Variants in KCTD7 observed in about 807,000 individuals in gnomAD.
The protein encoded by KCTD7 is BTB/POZ domain-containing protein KCTD7.
A neutral mutation model predicts 27.0 loss-of-function variants in KCTD7; 15 were observed. The ratio of observed to expected loss-of-function variants is 0.56; its 90% CI spans 0.37 to 0.86. KCTD7 has a LOEUF of 0.86. Among genes scored for constraint, KCTD7 ranks in the 40% least tolerant of loss-of-function variants. The pLI, the probability that KCTD7 is intolerant of heterozygous loss-of-function variation, is 0.00. For synonymous variants in KCTD7, 159 were observed against 162.7 expected, an observed-to-expected ratio of 0.98 and a Z score of 0.17; for missense variants, 299 against 398.9, an observed-to-expected ratio of 0.75 and a Z score of 2.13.
intron 2 of KCTD7, among the ~76,000 whole-genome samples, chr7:66,635,385 A>T (rs1350941113): frequency 1.3e-5 from 2 of 152,218 alleles, no homozygotes; most frequent in African/African-American, 2.4e-5. Flanking sequence ...ACAGTCTTAC[A>T]TGTAAACAAT....
intron 1 of KCTD7, among the ~76,000 whole-genome samples, chr7:66,630,951 C>T (rs929861878): frequency 6.6e-6 from 1 of 152,166 alleles, no homozygotes; most frequent in African/African-American, 2.4e-5. Flanking sequence ...GTTTAAAGAG[C>T]TCCAGAAATG....
intron 3 of KCTD7, 82 bp downstream of exon 3, chr7:66,638,513 C>T (rs1786637561): frequency 2.1e-6 from 3 of 1,396,760 alleles, no homozygotes; most frequent in Admixed American, 3.7e-5. Context: ...TCCATCAGAA[C>T]ACCGGGGGCA....
rs751720071 is a variant in KCTD7 at position 66,638,338 on chromosome 7, A to G, written c.400A>G (p.Ile134Val). The G allele has an allele frequency of 3.4e-5, 55 of 1,614,092 alleles. No homozygotes were observed. Among genetic ancestry groups the G allele is most frequent in the Middle Eastern group, 1.6e-4 (1 of 6,084 alleles). Residue 134 changes from isoleucine (I) to valine (V), a missense_variant, in exon 3 of 4, where the codon ATC (isoleucine) becomes GTC (valine). Ile to Val is a conservative substitution (Grantham distance 29). Transcript: ENST00000639828. ...AVYKEAQYYA[I>V]GPLLEQLENM... ...GTACAAAGAGGCCCAGTACTATGCC[A>G]TCGGGCCCCTCCTGGAGCAGCTGGA...
At position 66,638,893 on chromosome 7, in the gene KCTD7, T is replaced by C; in HGVS notation, c.531T>C (p.Arg177=). ...GGATTGTGGAGATCGCCCGGCTGCG[T>C]GCGGTCCAGCGGAAGGCCCGCTTTG... is the stretch of plus-strand genomic sequence containing the variant. ...LERIVEIARL[R]AVQRKARFAK... Residue 177 remains arginine, a synonymous_variant, in exon 4 of 4, where the codon CGT becomes CGC. Coordinates refer to ENST00000639828, the MANE Select transcript of KCTD7 (RefSeq NM_153033.5). 1 of 1,614,118 alleles carries C rather than the reference T, an allele frequency of 6.2e-7. No individual in the cohort carries two copies. The highest frequency in any genetic ancestry group is 8.5e-7 in the Non-Finnish European group (1 of 1,180,016).
At chr7:66,632,100 A>G (rs1220994562) in intron 1 of KCTD7, among the ~76,000 whole-genome samples, 1 of 152,252 alleles carries the variant, frequency 6.6e-6, no homozygotes, top group East Asian at 1.9e-4. Context: ...GACAGTAGAC[A>G]GAAATGCTCA....
Position 66,639,818 on chromosome 7 carries a change from G to A in KCTD7, c.*586G>A. ...TGGAAAGACTTTTCTTTTCCTTCCG[G>A]AACATGTTCTTCACCACCTTTTGGA... On this transcript the variant is annotated 3_prime_UTR_variant, in exon 4 of 4. Transcript: ENST00000639828. The A allele has an allele frequency of 8.0e-7, 1 of 1,248,222 alleles. No homozygotes were observed. The highest frequency in any genetic ancestry group is 1.0e-6 in the Non-Finnish European group (1 of 997,270). 77.3% of individuals were successfully genotyped at this position (1,248,222 alleles called of 1,614,324 possible). A position where few individuals can be genotyped will look rare whatever the true frequency, so the allele number is the denominator to read the frequency against.
intron 1 of KCTD7, among the ~76,000 whole-genome samples, chr7:66,629,427 C>G (rs1296820080): frequency 6.6e-6 from 1 of 151,872 alleles, no homozygotes. Flanking sequence ...GTGTGCTTCC[C>G]CACCCCCTAC....
At chr7:66,632,288 C>T (rs1786466969) in intron 1 of KCTD7, among the ~76,000 whole-genome samples, 1 of 151,748 alleles carries the variant, frequency 6.6e-6, no homozygotes, top group South Asian at 2.1e-4. Context: ...GAGATCGAGA[C>T]AATCCTGGCT....
chr7:66,640,661 C>T lies in KCTD7; in HGVS notation c.*1429C>T, dbSNP rs1786694623. The T allele has an allele frequency of 9.1e-6, 12 of 1,320,494 alleles. No individual in the cohort carries two copies. Among genetic ancestry groups the T allele is most frequent in the Non-Finnish European group, 1.2e-5 (12 of 1,034,544 alleles). 81.8% of individuals were successfully genotyped at this position (1,320,494 alleles called of 1,614,324 possible). A position where few individuals can be genotyped will look rare whatever the true frequency, so the allele number is the denominator to read the frequency against. ...GCCAGGAACATGTCTGTAGTCCCAG[C>T]TACTTGGGCACACGCCTGTAGTCCA... On this transcript the variant is annotated 3_prime_UTR_variant, in exon 4 of 4. Transcript: ENST00000639828.
In KCTD7 at chr7:66,640,342, T is replaced by G. The variant is rs897689225; in HGVS notation, c.*1110T>G. ...TTGTTTTACTCACTTCTTTATATTT[T>G]GTTTTACTCCTCACTCCTGTATATT... On this transcript the variant is annotated 3_prime_UTR_variant, in exon 4 of 4. Coordinates refer to ENST00000639828, the MANE Select transcript of KCTD7 (RefSeq NM_153033.5). 26 of 1,536,154 alleles carry G rather than the reference T, an allele frequency of 1.7e-5. No homozygotes were observed. Among genetic ancestry groups the G allele is most frequent in the Non-Finnish European group, 2.3e-5 (26 of 1,146,548 alleles).
intron 2 of KCTD7, among the ~76,000 whole-genome samples, chr7:66,634,140 A>ATG (rs1786524822): frequency 7.0e-6 from 1 of 141,912 alleles, no homozygotes; most frequent in Non-Finnish European, 1.5e-5. Context: ...ATATATATGT[A>ATG]TATATATGAG....
Position 66,629,119 on chromosome 7 carries a change from T to C in KCTD7, c.55T>C (p.Ser19Pro), listed in dbSNP as rs1786381326. 6.5e-7 allele frequency: 1 copy of C among 1,539,562 alleles called. No individual in the cohort carries two copies. Among genetic ancestry groups the C allele is most frequent in the South Asian group, 1.2e-5 (1 of 82,536 alleles). The change falls in exon 1 of 4, where the codon TCC (serine) becomes CCC (proline). Residue 19 changes from serine (S) to proline (P), a missense_variant. Physicochemically the swap from Ser to Pro is moderately conservative, Grantham distance 74. Transcript: ENST00000639828. ...PDSRRQDGAM[S>P]SSDAEDDFLE... ...CAGCCGTCGTCAGGACGGTGCCATG[T>C]CCAGCTCTGACGCCGAAGACGACTT...
chr7:66,634,194 C>CTATCTATCTATT (rs1786527120), intron 2 of KCTD7, among the ~76,000 whole-genome samples: 1 of 130,676 alleles, frequency 7.7e-6, no homozygotes, highest in African/African-American at 2.9e-5. Context: ...GTGTGTGATT[C>CTATCTATCTATT]TATCTATCTA....
chr7:66,640,997 C>T lies in KCTD7; in HGVS notation c.*1765C>T, dbSNP rs1011654655. 51 of 985,336 alleles carry T rather than the reference C, an allele frequency of 5.2e-5. No individual in the cohort carries two copies. Among genetic ancestry groups the T allele is most frequent in the Admixed American group, 6.2e-5 (1 of 16,246 alleles). 61.0% of individuals were successfully genotyped at this position (985,336 alleles called of 1,614,324 possible). ...GGCTGAATTCCTCCGTGGGGCTGGA[C>T]GGCAGTGATCTCCTGTTCCCTATGT... On this transcript the variant is annotated 3_prime_UTR_variant, in exon 4 of 4. Transcript: ENST00000639828.
chr7:66,642,976 G>T lies in KCTD7; in HGVS notation c.*3744G>T, dbSNP rs375434183. The T allele has an allele frequency of 9.1e-6, 9 of 985,368 alleles. No homozygotes were observed. The East Asian group carries it at 7.9e-4, about 87-fold the overall frequency. The allele number at this position is 985,368 out of a possible 1,614,324, so 61.0% of individuals were successfully genotyped here. On this transcript the variant is annotated 3_prime_UTR_variant, in exon 4 of 4. Transcript: ENST00000639828. Reference sequence around the variant, plus strand: ...TATAACACTTCCTGTGTGAGTTCATGTACCTGTCTGTGAGTGCTTTGGTGT... The same window carrying T: ...TATAACACTTCCTGTGTGAGTTCATTTACCTGTCTGTGAGTGCTTTGGTGT...
chr7:66,642,957 A>G lies in KCTD7; in HGVS notation c.*3725A>G, dbSNP rs1179081835. On this transcript the variant is annotated 3_prime_UTR_variant, in exon 4 of 4. Transcript: ENST00000639828. ...GTTGGGTTTATGTACACACTATAACACTTCCTGTGTGAGTTCATGTACCTG... is the reference window on the plus strand; with the variant it reads ...GTTGGGTTTATGTACACACTATAACGCTTCCTGTGTGAGTTCATGTACCTG... 1 of 985,300 alleles carries G rather than the reference A, an allele frequency of 1.0e-6. No homozygotes were observed. The highest frequency in any genetic ancestry group is 1.7e-5 in the African/African-American group (1 of 57,330). 61.0% of individuals were successfully genotyped at this position (985,300 alleles called of 1,614,324 possible).
rs3069693 is a variant in KCTD7 at position 66,634,113 on chromosome 7, C to CATATATATATATATATATATAT, written c.314+672_314+693dup. Reference sequence around the variant, plus strand: ...ATATGTATATATGGGTGTGTGTATACATATATATATATATATATATATATG... The same window carrying CATATATATATATATATATATAT: ...ATATGTATATATGGGTGTGTGTATACATATATATATATATATATATATATATATATATATATATATATATATG... On this transcript the variant is annotated intron_variant, in intron 2 of 3. Transcript: ENST00000639828. 6.4e-4 allele frequency among the ~76,000 whole-genome samples: 85 copies of CATATATATATATATATATATAT among 132,234 alleles called. 2 individuals are homozygous for CATATATATATATATATATATAT. The highest frequency in any genetic ancestry group is 2.5e-3 in the East Asian group (12 of 4,726). 86.8% of individuals were successfully genotyped at this position (132,234 alleles called of 152,430 possible). A position where few individuals can be genotyped will look rare whatever the true frequency, so the allele number is the denominator to read the frequency against.
chr7:66,643,003 T>C lies in KCTD7; in HGVS notation c.*3771T>C. 2 of 985,330 alleles carry C rather than the reference T, an allele frequency of 2.0e-6. No individual in the cohort carries two copies. Among genetic ancestry groups the C allele is most frequent in the Non-Finnish European group, 2.4e-6 (2 of 829,842 alleles). 61.0% of individuals were successfully genotyped at this position (985,330 alleles called of 1,614,324 possible). On this transcript the variant is annotated 3_prime_UTR_variant, in exon 4 of 4. Coordinates refer to ENST00000639828, the MANE Select transcript of KCTD7 (RefSeq NM_153033.5). ...ACCTGTCTGTGAGTGCTTTGGTGTA[T>C]TGAGCCTCAGTACACTCCAAGGGCA...
intron 1 of KCTD7, among the ~76,000 whole-genome samples, chr7:66,632,551 C>T (rs1174555647): frequency 6.6e-6 from 1 of 151,484 alleles, no homozygotes; most frequent in Admixed American, 6.6e-5. Flanking sequence ...TGCTTTTATG[C>T]AGTGAACAAC....
Sources: allele counts gnomAD v4.1 joint callset (sites outside exome capture counted in the v4.1 genomes callset), GRCh38; gene constraint gnomAD v4.1.1; transcripts MANE v1.5; gene names NCBI Gene and HGNC (gene_info 2026-07-23, HGNC 2026-07-21).